Variants in ZPBP observed in about 807,000 individuals in gnomAD.
The protein encoded by ZPBP is zona pellucida binding protein, also known as zona pellucida-binding protein 1.
ZPBP carries 26 observed loss-of-function variants against 44.8 expected under a neutral mutation model. The observed-to-expected ratio is 0.58, with a 90% confidence interval of 0.43 to 0.81. ZPBP has a LOEUF of 0.81. Among genes scored for constraint, ZPBP ranks in the 30% least tolerant of loss-of-function variants. The pLI is 0.00. For missense variants in ZPBP, 409 were observed against 434.0 expected (o/e 0.94, Z 0.51); for synonymous variants, 174 against 153.2 (o/e 1.14, Z -1.00).
At chr7:49,850,749 A>G (rs1403955915) in intron 2 of ZPBP, among the ~76,000 whole-genome samples, 1 of 152,164 alleles carries the variant, frequency 6.6e-6, no homozygotes, top group Non-Finnish European at 1.5e-5. Context: ...CTTTCCCCAA[A>G]TTACTTCACC....
At chr7:49,981,165 A>C (rs995544743) in intron 7 of ZPBP, among the ~76,000 whole-genome samples, 1 of 139,120 alleles carries the variant, frequency 7.2e-6, no homozygotes, top group Non-Finnish European at 1.5e-5. Flanking sequence ...ACTGGTTTTA[A>C]ATATCAGTGA....
chr7:49,947,672 G>A (rs752770571), intron 7 of ZPBP, among the ~76,000 whole-genome samples: 2 of 152,230 alleles, frequency 1.3e-5, no homozygotes, highest in Non-Finnish European at 2.9e-5. Context: ...AGCCAGCATA[G>A]CATTGGGTTT....
At chr7:49,921,608 A>G (rs1794021182) in intron 1 of ZPBP, 1 of 152,166 alleles carries the variant, frequency 6.6e-6, no homozygotes. Flanking sequence ...TATTTGTAAA[A>G]CACGTAGCCT....
chr7:49,928,867 G>A (rs959820809), intron 1 of ZPBP, among the ~76,000 whole-genome samples: 2 of 152,188 alleles, frequency 1.3e-5, no homozygotes, highest in Non-Finnish European at 2.9e-5. Context: ...AAATCCAAAA[G>A]CTGTTTCTCA....
At chr7:49,864,875 G>A (rs938190022) in intron 2 of ZPBP, among the ~76,000 whole-genome samples, 5 of 152,158 alleles carry the variant, frequency 3.3e-5, no homozygotes, top group African/African-American at 7.2e-5. Flanking sequence ...TGCCTTGTTC[G>A]TGATTCAGTG....
rs539223704 is a variant in ZPBP at position 50,020,731 on chromosome 7, T to C, written c.707-2415A>G. Among the ~76,000 whole-genome samples the C allele has an allele frequency of 3.8e-4, 58 of 152,070 alleles. No homozygotes were observed. In the South Asian group the frequency reaches 0.012, roughly 31 times the overall value. On this transcript the variant is annotated intron_variant, in intron 5 of 7. Coordinates refer to ENST00000046087, the MANE Select transcript of ZPBP (RefSeq NM_007009.3). ...GAAAACTGCTGGCCACCTTTTTCCATAGAAACATGGAAAAAAATGAAGAAA... is the reference window on the plus strand; with the variant it reads ...GAAAACTGCTGGCCACCTTTTTCCACAGAAACATGGAAAAAAATGAAGAAA...
intron 3 of ZPBP, among the ~76,000 whole-genome samples, chr7:50,075,070 T>C (rs1312756199): frequency 6.6e-6 from 1 of 151,840 alleles, no homozygotes; most frequent in East Asian, 1.9e-4. Context: ...ATATTAAGCA[T>C]CTTCTCTGAC....
chr7:49,993,101 A>T (rs1797639232), intron 6 of ZPBP, among the ~76,000 whole-genome samples: 1 of 152,148 alleles, frequency 6.6e-6, no homozygotes, highest in Non-Finnish European at 1.5e-5. Flanking sequence ...CTTGAAGCAA[A>T]ACCACTAAAA....
chr7:49,858,645 G>GTA (rs1257140410), intron 2 of ZPBP, among the ~76,000 whole-genome samples: 1 of 151,738 alleles, frequency 6.6e-6, no homozygotes, highest in East Asian at 1.9e-4. Context: ...CACGGCACAT[G>GTA]TATATATATG....
chr7:49,985,872 A>G (rs1797252768), intron 6 of ZPBP, among the ~76,000 whole-genome samples: 1 of 152,162 alleles, frequency 6.6e-6, no homozygotes, highest in Non-Finnish European at 1.5e-5. Flanking sequence ...GCCACTGGGG[A>G]TTCATGCCTT....
chr7:50,011,831 C>A (rs140695950), intron 6 of ZPBP, among the ~76,000 whole-genome samples: 1,994 of 152,116 alleles, frequency 0.013, 21 homozygotes, highest in Non-Finnish European at 0.022. Context: ...GCGGGCGGAT[C>A]ACAAGGTCAG....
intron 2 of ZPBP, among the ~76,000 whole-genome samples, chr7:49,898,760 T>A (rs899515916): frequency 6.6e-6 from 1 of 152,110 alleles, no homozygotes; most frequent in Non-Finnish European, 1.5e-5. Context: ...ACCCACAAAG[T>A]GGTTTAGTGT....
rs772009959 is a variant in ZPBP at position 50,032,239 on chromosome 7, T to G, written c.488-929A>C. Among the ~76,000 whole-genome samples, 120 of 152,200 alleles carry G rather than the reference T, an allele frequency of 7.9e-4. 1 individual carries two copies. The highest frequency in any genetic ancestry group is 2.8e-3 in the African/African-American group (117 of 41,450). On this transcript the variant is annotated intron_variant, in intron 4 of 7. Transcript: ENST00000046087. ...TTTTGTACTGATTCATCCATCAGCGTAGGTACACATTTATCATGTATATAT... is the reference window on the plus strand; with the variant it reads ...TTTTGTACTGATTCATCCATCAGCGGAGGTACACATTTATCATGTATATAT...
chr7:50,087,845 C>T (rs538310033), intron 2 of ZPBP, among the ~76,000 whole-genome samples: 117 of 151,906 alleles, frequency 7.7e-4, no homozygotes, highest in Non-Finnish European at 1.0e-3. Flanking sequence ...ATTGTTAAGG[C>T]GACAATACTC....
chr7:50,090,934 G>A (rs2128858833), intron 1 of ZPBP, among the ~76,000 whole-genome samples: 1 of 152,118 alleles, frequency 6.6e-6, no homozygotes, highest in Middle Eastern at 3.4e-3. Context: ...CACCAGCAGT[G>A]TAGAAGTGTT....
At chr7:50,076,012 C>G (rs895261906) in intron 3 of ZPBP, among the ~76,000 whole-genome samples, 4 of 151,890 alleles carry the variant, frequency 2.6e-5, no homozygotes, top group Admixed American at 6.6e-5. Flanking sequence ...CAACAAAATA[C>G]TAGCAAACTG....
At chr7:49,976,816 C>G (rs182096939) in intron 7 of ZPBP, among the ~76,000 whole-genome samples, 2 of 152,026 alleles carry the variant, frequency 1.3e-5, no homozygotes, top group South Asian at 4.2e-4. Flanking sequence ...TGAAAATAAA[C>G]GTATCGGCCG....
At chr7:50,047,120 G>T (rs918130814) in intron 4 of ZPBP, among the ~76,000 whole-genome samples, 2 of 152,060 alleles carry the variant, frequency 1.3e-5, no homozygotes, top group Admixed American at 6.6e-5. Context: ...ACAGGGAGTG[G>T]AACATCACAC....
chr7:50,027,045 A>G (rs749803818), intron 5 of ZPBP, among the ~76,000 whole-genome samples: 5 of 151,998 alleles, frequency 3.3e-5, no homozygotes, highest in Non-Finnish European at 7.4e-5. Flanking sequence ...AGTTACATAC[A>G]TGTCTACCCA....
Sources: allele counts gnomAD v4.1 joint callset (sites outside exome capture counted in the v4.1 genomes callset), GRCh38; gene constraint gnomAD v4.1.1; transcripts MANE v1.5; gene names NCBI Gene and HGNC (gene_info 2026-07-23, HGNC 2026-07-21).